MAP1A: variants seen among roughly 807,000 people sequenced by gnomAD.
MAP1A encodes the protein microtubule-associated protein 1A.
In MAP1A, 42 loss-of-function variants were observed where a neutral mutation model predicts 185.9. That is an observed-to-expected ratio of 0.23 (90% CI 0.18 to 0.29). MAP1A has a LOEUF of 0.29. Among genes scored for constraint, MAP1A ranks in the 10% least tolerant of loss-of-function variants. The probability of loss-of-function intolerance (pLI) is 1.00; values close to 1 mark genes in which losing one functional copy is unlikely to be tolerated. For missense variants in MAP1A, 2,995 were observed against 3,450.4 expected (o/e 0.87, Z 3.31); for synonymous variants, 1,229 against 1,335.9 (o/e 0.92, Z 1.74).
chr15:43,513,891 A>C (rs569253758), upstream of MAP1A, among the ~76,000 whole-genome samples: 5 of 152,370 alleles, frequency 3.3e-5, no homozygotes, highest in Admixed American at 1.3e-4. Context: ...ACTGAACAGA[A>C]GTTTGGGGAT....
At position 43,525,936 on chromosome 15, in the gene MAP1A, A is replaced by G. The variant is rs769730386; in HGVS notation, c.4463A>G (p.Lys1488Arg). 3 of 1,614,004 alleles carry G rather than the reference A, an allele frequency of 1.9e-6. No homozygotes were observed. Among genetic ancestry groups the G allele is most frequent in the Non-Finnish European group, 2.5e-6 (3 of 1,179,920 alleles). The stretch of plus-strand genomic sequence containing the variant: ...CAAAAGGACAGGGTCCTAGAACAGA[A>G]GGAGAAGATCCCAGAAGAGAAAGAC... ...LEQKDRVLEQKEKIPEEKDKA... is the reference protein window; with the variant it reads ...LEQKDRVLEQREKIPEEKDKA... The change falls in exon 4 of 6, where the codon AAG (lysine) becomes AGG (arginine). Residue 1488 changes from lysine to arginine, a missense_variant. Physicochemically the swap from Lys to Arg is conservative, Grantham distance 26. Transcript: ENST00000300231.
Position 43,525,817 on chromosome 15 carries a change from G to T in MAP1A, c.4344G>T (p.Lys1448Asn), listed in dbSNP as rs768501242. ...ACAAGGCCCTGGAACAGAAGGATAA[G>T]ATTCCAGAAGAGAAAGACAAAGCCT... is the stretch of plus-strand genomic sequence containing the variant. ...EKDKALEQKD[K>N]IPEEKDKALE... The change falls in exon 4 of 6, where the codon AAG (lysine) becomes AAT (asparagine). Residue 1448 changes from lysine to asparagine, a missense_variant. Lys to Asn is a moderately conservative substitution (Grantham distance 94). Around this residue, in one of 3 missense-constraint regions of MAP1A, gnomAD observed 2,728 missense variants for 2,986.0 expected, o/e 0.91. Coordinates refer to ENST00000300231, the MANE Select transcript of MAP1A (RefSeq NM_002373.6). 6.3e-7 allele frequency: 1 copy of T among 1,582,060 alleles called. No homozygotes were observed.
upstream of MAP1A, among the ~76,000 whole-genome samples, chr15:43,514,438 C>T (rs1012122255): frequency 6.6e-6 from 1 of 152,192 alleles, no homozygotes; most frequent in Non-Finnish European, 1.5e-5. Context: ...GCAAAGGGGA[C>T]CAGGCAGCTG....
chr15:43,521,966 C>T lies in MAP1A; in HGVS notation c.493C>T (p.His165Tyr), dbSNP rs777945679. 1.2e-6 allele frequency: 2 copies of T among 1,614,196 alleles called. No individual in the cohort carries two copies. The highest frequency in any genetic ancestry group is 1.1e-5 in the South Asian group (1 of 91,086). ...SIEEACLTLQ[H>Y]LNRLGIQAEP... Reference sequence around the variant, plus strand: ...TGAGGAGGCCTGCCTCACTCTGCAGCACTTAAACCGCCTGGGCATCCAGGC... The same window carrying T: ...TGAGGAGGCCTGCCTCACTCTGCAGTACTTAAACCGCCTGGGCATCCAGGC... Residue 165 changes from histidine to tyrosine, a missense_variant, in exon 4 of 6, where the codon CAC (histidine) becomes TAC (tyrosine). This residue lies in a region of MAP1A where 264 missense variants were observed against 435.3 expected (regional missense o/e 0.61). Coordinates refer to ENST00000300231, the MANE Select transcript of MAP1A (RefSeq NM_002373.6). This position sits in a 1 kb window ranked among gnomAD's most constrained non-coding sequence, Gnocchi z 4.6.
chr15:43,525,736 C>T lies in MAP1A; in HGVS notation c.4263C>T (p.Ala1421=), dbSNP rs752856480. 5 of 1,614,122 alleles carry T rather than the reference C, an allele frequency of 3.1e-6. No homozygotes were observed. In the East Asian group the frequency reaches 8.9e-5, roughly 29 times the overall value. Residue 1421 remains alanine, a synonymous_variant, in exon 4 of 6, where the codon GCC becomes GCT. Transcript: ENST00000300231. The part of the protein sequence containing the change: ...KGRDLEQKDT[A]LEQKDKALEP... ...GAGACTTAGAGCAAAAAGACACAGC[C>T]CTAGAACAGAAGGACAAGGCCCTGG...
At chr15:43,512,080 A>C in intron 1 of MAP1A, 1 of 695,272 alleles carries the variant, frequency 1.4e-6, no homozygotes, top group Non-Finnish European at 2.6e-6. Flanking sequence ...GCAACTATCC[A>C]TATACCCTCC....
Position 43,521,689 on chromosome 15 carries a change from T to C in MAP1A, c.216T>C (p.Phe72=). 6.2e-7 allele frequency: 1 copy of C among 1,614,174 alleles called. No individual in the cohort carries two copies. Residue 72 remains phenylalanine, a synonymous_variant, in exon 4 of 6, where the codon TTT becomes TTC. Transcript: ENST00000300231. This position sits in a 1 kb window ranked among gnomAD's most constrained non-coding sequence, Gnocchi z 4.6. ...VDGGSDRKSC[F]WKLVRHLDRI... ...GTGGCTCTGATCGCAAGTCCTGTTT[T>C]TGGAAGCTGGTACGGCACTTGGACC...
In MAP1A at chr15:43,522,811, G is replaced by A; in HGVS notation, c.1338G>A (p.Glu446=). 1 of 1,582,850 alleles carries A rather than the reference G, an allele frequency of 6.3e-7. No individual in the cohort carries two copies. Among genetic ancestry groups the A allele is most frequent in the South Asian group, 1.1e-5 (1 of 87,398 alleles). ...AGGAGAAGAAGGATGCCAAGAAGGAGGAGAAGAGGAAAGATACCAAACCTG... is the reference window on the plus strand; with the variant it reads ...AGGAGAAGAAGGATGCCAAGAAGGAAGAGAAGAGGAAAGATACCAAACCTG... ...RKEEKKDAKK[E]EKRKDTKPEL... The change falls in exon 4 of 6, where the codon GAG becomes GAA. Residue 446 remains glutamate, a synonymous_variant. Coordinates refer to ENST00000300231, the MANE Select transcript of MAP1A (RefSeq NM_002373.6). This position sits in a 1 kb window ranked among gnomAD's most constrained non-coding sequence, Gnocchi z 5.9.
Position 43,524,068 on chromosome 15 carries a change from C to T in MAP1A, c.2595C>T (p.Ser865=). 6.2e-7 allele frequency: 1 copy of T among 1,614,122 alleles called. No individual in the cohort carries two copies. The highest frequency in any genetic ancestry group is 1.6e-4 in the Middle Eastern group (1 of 6,062). The change falls in exon 4 of 6, where the codon AGC becomes AGT. Residue 865 remains serine (S), a synonymous_variant. Transcript: ENST00000300231. ...TAPQTEETGK[S]SLLLDTVTSI... ...CCCAGACAGAGGAGACAGGCAAGAGCTCCCTGCTGCTTGACACAGTCACAA... is the reference window on the plus strand; with the variant it reads ...CCCAGACAGAGGAGACAGGCAAGAGTTCCCTGCTGCTTGACACAGTCACAA...
At chr15:43,512,153 A>G in intron 1 of MAP1A, 1 of 1,281,740 alleles carries the variant, frequency 7.8e-7, no homozygotes, top group South Asian at 1.3e-5. Context: ...TACAACCTGC[A>G]ACCTTATCCA....
In MAP1A at chr15:43,527,907, A is replaced by T; in HGVS notation, c.6434A>T (p.His2145Leu). 4 of 1,614,116 alleles carry T rather than the reference A, an allele frequency of 2.5e-6. No homozygotes were observed. Among genetic ancestry groups the T allele is most frequent in the Non-Finnish European group, 3.4e-6 (4 of 1,179,992 alleles). The change falls in exon 4 of 6, where the codon CAT becomes CTT. Residue 2145 changes from histidine to leucine, a missense_variant. Physicochemically the swap from His to Leu is moderately conservative, Grantham distance 99. Transcript: ENST00000300231. ...ACATTATGGCCAGAAACTGAGGCAC[A>T]TGTTAGCCCTCCCTTGGACTCACAC... ...SPTLWPETEA[H>L]VSPPLDSHLG...
intron 1 of MAP1A, among the ~76,000 whole-genome samples, chr15:43,518,271 C>A (rs550961904): frequency 1.3e-5 from 2 of 152,088 alleles, no homozygotes; most frequent in African/African-American, 4.8e-5. Flanking sequence ...TGGGCTCCCC[C>A]ACCCTATTCC....
chr15:43,518,663 G>C (rs538328032), intron 1 of MAP1A, among the ~76,000 whole-genome samples: 96 of 151,624 alleles, frequency 6.3e-4, no homozygotes, highest in Non-Finnish European at 1.3e-3. Context: ...GCCTCACTGC[G>C]GAGACACCTG....
intron 1 of MAP1A, among the ~76,000 whole-genome samples, chr15:43,518,859 A>G (rs2079309190): frequency 6.6e-6 from 1 of 152,178 alleles, no homozygotes; most frequent in South Asian, 2.1e-4. Flanking sequence ...GGCCTGAAAA[A>G]GAGAGGCACA....
Position 43,522,201 on chromosome 15 carries a change from A to G in MAP1A, c.728A>G (p.Tyr243Cys). 6.2e-7 allele frequency: 1 copy of G among 1,614,210 alleles called. No individual in the cohort carries two copies. The highest frequency in any genetic ancestry group is 8.5e-7 in the Non-Finnish European group (1 of 1,180,030). Reference protein sequence around the residue: ...NGKEAEISVPYLTSITALVVW... With the variant: ...NGKEAEISVPCLTSITALVVW... Reference sequence around the variant, plus strand: ...AAGGAGGCTGAGATCTCCGTGCCCTACCTTACCTCTATCACTGCTCTGGTG... The same window carrying G: ...AAGGAGGCTGAGATCTCCGTGCCCTGCCTTACCTCTATCACTGCTCTGGTG... Residue 243 changes from tyrosine to cysteine, a missense_variant, in exon 4 of 6, where the codon TAC (tyrosine) becomes TGC (cysteine). Around this residue, in one of 3 missense-constraint regions of MAP1A, gnomAD observed 264 missense variants for 435.3 expected, o/e 0.61. Coordinates refer to ENST00000300231, the MANE Select transcript of MAP1A (RefSeq NM_002373.6). This position sits in a 1 kb window ranked among gnomAD's most constrained non-coding sequence, Gnocchi z 5.9.
rs753231605 is a variant in MAP1A, at chr15:43,529,397, C to T, written c.7924C>T (p.Arg2642Trp). ...PGKGPADRASRAPPRPRSTTS... is the reference protein window; with the variant it reads ...PGKGPADRASWAPPRPRSTTS... ...TAAAGGGCCTGCAGATCGAGCATCC[C>T]GGGCCCCACCTCGACCACGCAGCAC... Residue 2642 changes from arginine to tryptophan, a missense_variant, in exon 4 of 6, where the codon CGG becomes TGG. Physicochemically the swap from Arg to Trp is moderately radical, Grantham distance 101. Around this residue, in one of 3 missense-constraint regions of MAP1A, gnomAD observed 2,728 missense variants for 2,986.0 expected, o/e 0.91. Coordinates refer to ENST00000300231, the MANE Select transcript of MAP1A (RefSeq NM_002373.6). This position sits in a 1 kb window ranked among gnomAD's most constrained non-coding sequence, Gnocchi z 4.3. 21 of 1,613,750 alleles carry T rather than the reference C, an allele frequency of 1.3e-5. No homozygotes were observed. The highest frequency in any genetic ancestry group is 6.7e-5 in the Admixed American group (4 of 59,990).
Position 43,526,394 on chromosome 15 carries a change from T to C in MAP1A, c.4921T>C (p.Trp1641Arg), listed in dbSNP as rs2079343657. Residue 1641 changes from tryptophan (W) to arginine (R), a missense_variant, in exon 4 of 6, where the codon TGG becomes CGG. Coordinates refer to ENST00000300231, the MANE Select transcript of MAP1A (RefSeq NM_002373.6). The surrounding 1 kb of genome is among the most constrained non-coding windows in gnomAD (Gnocchi z 4.7). Reference protein sequence around the residue: ...GRAREQEEKYWRGQDVVQEWQ... With the variant: ...GRAREQEEKYRRGQDVVQEWQ... ...GGCCAGAGAGCAGGAAGAAAAGTAC[T>C]GGAGGGGGCAGGATGTGGTCCAGGA... 2 of 1,613,942 alleles carry C rather than the reference T, an allele frequency of 1.2e-6. No homozygotes were observed. Among genetic ancestry groups the C allele is most frequent in the Non-Finnish European group, 1.7e-6 (2 of 1,180,026 alleles).
Position 43,529,462 on chromosome 15 carries a change from C to G in MAP1A, c.7989C>G (p.His2663Gln), listed in dbSNP as rs1399225731. The part of the protein sequence containing the change: ...QVTPAEEKDG[H>Q]SPMSKGLVNG... ...CCCCAGCAGAGGAAAAGGATGGACA[C>G]AGCCCCATGTCCAAAGGCCTAGTCA... Residue 2663 changes from histidine (H) to glutamine (Q), a missense_variant, in exon 4 of 6, where the codon CAC becomes CAG. Around this residue, in one of 3 missense-constraint regions of MAP1A, gnomAD observed 2,728 missense variants for 2,986.0 expected, o/e 0.91. Coordinates refer to ENST00000300231, the MANE Select transcript of MAP1A (RefSeq NM_002373.6). This position sits in a 1 kb window ranked among gnomAD's most constrained non-coding sequence, Gnocchi z 4.3. The G allele has an allele frequency of 1.2e-6, 2 of 1,612,986 alleles. No homozygotes were observed. Among genetic ancestry groups the G allele is most frequent in the Non-Finnish European group, 1.7e-6 (2 of 1,179,340 alleles).
chr15:43,521,372 A>G lies in MAP1A; in HGVS notation c.-102A>G, dbSNP rs1184318501. 3.7e-6 allele frequency: 6 copies of G among 1,613,398 alleles called. No homozygotes were observed. In the Admixed American group the frequency reaches 1.0e-4, roughly 27 times the overall value. Reference sequence around the variant, plus strand: ...AGACCCTGGGATACAGGCCTTCCTTACCGTGTCCTGCTTAGGGGAAGGTGA... The same window carrying G: ...AGACCCTGGGATACAGGCCTTCCTTGCCGTGTCCTGCTTAGGGGAAGGTGA... On this transcript the variant is annotated 5_prime_UTR_variant, in exon 4 of 6. Coordinates refer to ENST00000300231, the MANE Select transcript of MAP1A (RefSeq NM_002373.6). The surrounding 1 kb of genome is among the most constrained non-coding windows in gnomAD (Gnocchi z 4.6).
Sources: gnomAD v4.1 joint callset for allele counts (sites outside exome capture counted in the v4.1 genomes callset) on GRCh38, gnomAD v4.1.1 for gene constraint, gnomAD v4.1.1 regional missense constraint, Gnocchi (gnomAD v3.1) non-coding constraint, MANE v1.5 for transcripts, NCBI Gene and HGNC (gene_info 2026-07-23, HGNC 2026-07-21) for gene names.